The following TRIO variants were observed in gnomAD, a reference collection of about 807,000 sequenced individuals.
The protein encoded by TRIO is trio Rho guanine nucleotide exchange factor.
Under a neutral mutation model 351.9 loss-of-function variants are expected in TRIO, and 58 were observed. The observed-to-expected ratio is 0.16, with a 90% CI of 0.13 to 0.21. The LOEUF (loss-of-function observed/expected upper bound fraction) is 0.21, where lower values mean the gene tolerates loss of function less well. Ranked by LOEUF, TRIO falls within the 10% of genes least tolerant of loss-of-function variation. TRIO has a pLI of 1.00. For synonymous variants in TRIO, 1,758 were observed against 1,595.7 expected, an observed-to-expected ratio of 1.10 and a Z score of -2.42; for missense variants, 3,201 against 4,027.8, an observed-to-expected ratio of 0.79 and a Z score of 5.56.
chr5:14,496,289 C>A (rs1349254974), intron 49 of TRIO, among the ~76,000 whole-genome samples: 1 of 152,112 alleles, frequency 6.6e-6, no homozygotes, highest in Non-Finnish European at 1.5e-5. Flanking sequence ...AAAAGGTATG[C>A]CTGTCTAGAA....
intron 46 of TRIO, 46 bp downstream of exon 46, chr5:14,482,819 CG>C: frequency 7.0e-7 from 1 of 1,428,650 alleles, no homozygotes; most frequent in Non-Finnish European, 9.3e-7. Flanking sequence ...CGCATGTACC[CG>C]TCACACCGAT....
In TRIO at chr5:14,464,066, C is replaced by T. The variant is rs1754045424; in HGVS notation, c.5667+1141C>T. On this transcript the variant is annotated intron_variant, in intron 36 of 56. Transcript: ENST00000344204. ...TTTGTGTGCATCTGAGGTTCAGGCT[C>T]CCCACCATGTGTAGGGGAGAAGGAA... Among the ~76,000 whole-genome samples, 4 of 152,094 alleles carry T rather than the reference C, an allele frequency of 2.6e-5. No individual in the cohort carries two copies. The South Asian group carries it at 6.2e-4, about 24-fold the overall frequency.
chr5:14,270,791 C>A, intron 1 of TRIO, 34 bp from the exon 2 acceptor site: 1 of 1,574,976 alleles, frequency 6.3e-7, no homozygotes, highest in Non-Finnish European at 8.7e-7. Flanking sequence ...ACTCTGGCAA[C>A]CCAGTAATTT....
intron 49 of TRIO, 131 bp downstream of exon 49, chr5:14,492,945 A>G (rs1297337087): frequency 5.0e-6 from 7 of 1,386,962 alleles, no homozygotes; most frequent in Non-Finnish European, 5.8e-6. Flanking sequence ...GAACAGGCTC[A>G]GCTCTGAGCA....
intron 34 of TRIO, among the ~76,000 whole-genome samples, chr5:14,420,999 G>A (rs1349287059): frequency 6.6e-6 from 1 of 152,122 alleles, no homozygotes; most frequent in Non-Finnish European, 1.5e-5. Context: ...TGGAGGTTGG[G>A]TTTTTGAATG....
chr5:14,488,291 G>A (rs1561550427), intron 48 of TRIO, 31 bp downstream of exon 48: 2 of 1,141,526 alleles, frequency 1.8e-6, no homozygotes, highest in East Asian at 3.4e-5. Context: ...GCGCCCTCCC[G>A]CCCCCCTGCC....
intron 34 of TRIO, among the ~76,000 whole-genome samples, chr5:14,431,888 C>T (rs1228963038): frequency 1.3e-5 from 2 of 152,204 alleles, no homozygotes; most frequent in East Asian, 3.8e-4. Context: ...TGTCTATCTC[C>T]CTATTTCCTT....
chr5:14,197,679 TG>T (rs1334020693), intron 1 of TRIO, among the ~76,000 whole-genome samples: 1 of 152,214 alleles, frequency 6.6e-6, no homozygotes, highest in African/African-American at 2.4e-5. Context: ...ATGAGACTCC[TG>T]GGTCAGACAG....
intron 1 of TRIO, among the ~76,000 whole-genome samples, chr5:14,268,274 G>T (rs1795801164): frequency 5.3e-5 from 8 of 152,220 alleles, no homozygotes; most frequent in Admixed American, 5.2e-4. Flanking sequence ...AGATGGCCTG[G>T]AATATGACAG....
intron 34 of TRIO, 53 bp downstream of exon 34, chr5:14,420,074 G>C: frequency 6.3e-7 from 1 of 1,586,682 alleles, no homozygotes; most frequent in African/African-American, 1.3e-5. Context: ...TGGCCCTGGA[G>C]CGCTCTGTCT....
At chr5:14,169,465 T>C (rs1012229204) in intron 1 of TRIO, among the ~76,000 whole-genome samples, 1 of 152,162 alleles carries the variant, frequency 6.6e-6, no homozygotes, top group Non-Finnish European at 1.5e-5. Flanking sequence ...GGATTACTGC[T>C]GTGTCTTTAC....
At chr5:14,213,331 A>G (rs967849322) in intron 1 of TRIO, among the ~76,000 whole-genome samples, 1 of 149,428 alleles carries the variant, frequency 6.7e-6, no homozygotes, top group Non-Finnish European at 1.5e-5. Flanking sequence ...ATGACACTAT[A>G]CTATATTAAT....
chr5:14,458,672 G>A (rs1753550424), intron 34 of TRIO, among the ~76,000 whole-genome samples: 1 of 152,210 alleles, frequency 6.6e-6, no homozygotes, highest in Admixed American at 6.5e-5. Flanking sequence ...TGCTCCACCT[G>A]CTGTGAGCAG....
intron 1 of TRIO, among the ~76,000 whole-genome samples, chr5:14,219,694 C>A (rs1792468467): frequency 6.6e-6 from 1 of 152,136 alleles, no homozygotes; most frequent in Non-Finnish European, 1.5e-5. Context: ...AACGCAGAAT[C>A]CTCAGCACCA....
At chr5:14,189,742 T>TC (rs1394544035) in intron 1 of TRIO, among the ~76,000 whole-genome samples, 4 of 151,352 alleles carry the variant, frequency 2.6e-5, no homozygotes, top group Non-Finnish European at 5.9e-5. Flanking sequence ...TTTTTTTTTT[T>TC]CAAGATGGGG....
chr5:14,405,884 C>T lies in TRIO; in HGVS notation c.4753C>T (p.His1585Tyr), dbSNP rs865814983. Residue 1585 changes from histidine to tyrosine, a missense_variant, in exon 32 of 57, where the codon CAT becomes TAT. Physicochemically the swap from His to Tyr is moderately conservative, Grantham distance 83. This residue lies in a region of TRIO where 136 missense variants were observed against 229.5 expected (regional missense o/e 0.59). Coordinates refer to ENST00000344204, the MANE Select transcript of TRIO (RefSeq NM_007118.4). The stretch of plus-strand genomic sequence containing the variant: ...AGAGAACAAGCAGGACTGGATAAAG[C>T]ATATCCGCGAAGTCATCCAGGAGCG... ...SIENKQDWIK[H>Y]IREVIQERTI... 1 of 1,613,978 alleles carries T rather than the reference C, an allele frequency of 6.2e-7. No individual in the cohort carries two copies. Among genetic ancestry groups the T allele is most frequent in the South Asian group, 1.1e-5 (1 of 91,064 alleles).
intron 1 of TRIO, among the ~76,000 whole-genome samples, chr5:14,158,982 T>A (rs1165949197): frequency 6.6e-6 from 1 of 152,224 alleles, no homozygotes; most frequent in African/African-American, 2.4e-5. Context: ...GTGATAACAT[T>A]ATACCTGAGG....
At chr5:14,408,477 G>A (rs1264226492) in intron 33 of TRIO, among the ~76,000 whole-genome samples, 3 of 151,992 alleles carry the variant, frequency 2.0e-5, no homozygotes, top group Admixed American at 6.5e-5. Flanking sequence ...ATATTTCTTG[G>A]CATGTAGTAA....
intron 47 of TRIO, 41 bp downstream of exon 47, chr5:14,485,287 C>T (rs763557988): frequency 7.9e-6 from 12 of 1,523,026 alleles, no homozygotes; most frequent in Middle Eastern, 1.7e-4. Flanking sequence ...TTTCTTTCCT[C>T]GTGTACTCAC....
Sources: allele counts gnomAD v4.1 joint callset (sites outside exome capture counted in the v4.1 genomes callset), GRCh38; gene constraint gnomAD v4.1.1; regional missense constraint gnomAD v4.1.1; transcripts MANE v1.5; gene names NCBI Gene and HGNC (gene_info 2026-07-23, HGNC 2026-07-21).